Variants in MYOM2 observed in about 807,000 individuals in gnomAD.
The protein encoded by MYOM2 is myomesin 2.
MYOM2 carries 254 observed loss-of-function variants against 187.6 expected under a neutral mutation model. The observed-to-expected ratio is 1.35, with a 90% CI of 1.22 to 1.50. MYOM2 has a LOEUF of 1.50. Ranked by LOEUF, MYOM2 falls within the 40% of genes most tolerant of loss-of-function variation. The pLI is 0.00. For missense variants in MYOM2, 2,796 were observed against 1,924.0 expected (o/e 1.45, Z -8.48); for synonymous variants, 981 against 753.8 (o/e 1.30, Z -4.94).
At chr8:2,103,927 C>T (rs1051916735) in intron 21 of MYOM2, among the ~76,000 whole-genome samples, 2 of 151,960 alleles carry the variant, frequency 1.3e-5, no homozygotes, top group African/African-American at 4.8e-5. Context: ...GATGGGTGTA[C>T]GGATAAATGA....
chr8:2,123,389 G>GACC, intron 29 of MYOM2, 24 bp downstream of exon 29: 1 of 1,423,428 alleles, frequency 7.0e-7, no homozygotes, highest in Non-Finnish European at 9.3e-7. Context: ...AGTAACACAA[G>GACC]AAAGCAAAAC....
chr8:2,097,543 C>G (rs954796516), intron 18 of MYOM2, among the ~76,000 whole-genome samples: 68 of 152,206 alleles, frequency 4.5e-4, no homozygotes, highest in African/African-American at 1.6e-3. Flanking sequence ...GAGACAGAGT[C>G]TCACTCTGTG....
In MYOM2 at chr8:2,107,200, G is replaced by A. The variant is rs538548667; in HGVS notation, c.2998+603G>A. ...ATTTTTTTAAACTGCCTAGCATCAC[G>A]TGTATTTGTGTGGCCCGTCATCTAC... On this transcript the variant is annotated intron_variant, in intron 23 of 36. Transcript: ENST00000262113. Among the ~76,000 whole-genome samples the A allele has an allele frequency of 2.6e-5, 4 of 152,190 alleles. No homozygotes were observed. The East Asian group carries it at 7.7e-4, about 29-fold the overall frequency.
Position 2,141,353 on chromosome 8 carries a change from C to A in MYOM2, c.4001+176C>A, listed in dbSNP as rs112214152. ...ATGGAGGGGTGGGCATTCTCCTAAA[C>A]CAGAAATGCATTTATAAACGGACTG... On this transcript the variant is annotated intron_variant, in intron 34 of 36. Coordinates refer to ENST00000262113, the MANE Select transcript of MYOM2 (RefSeq NM_003970.4). Among the ~76,000 whole-genome samples, 744 of 152,268 alleles carry A rather than the reference C, an allele frequency of 4.9e-3. 7 individuals are homozygous for A. The highest frequency in any genetic ancestry group is 0.016 in the African/African-American group (684 of 41,538).
chr8:2,092,836 T>C (rs1436540496), intron 16 of MYOM2, among the ~76,000 whole-genome samples: 1 of 152,180 alleles, frequency 6.6e-6, no homozygotes, highest in Non-Finnish European at 1.5e-5. Flanking sequence ...GTGACTACGA[T>C]GTGAAAGTCG....
At chr8:2,108,975 G>T in intron 24 of MYOM2, 145 bp downstream of exon 24, 1 of 773,450 alleles carries the variant, frequency 1.3e-6, no homozygotes, top group South Asian at 1.8e-5. Context: ...GAAACCTATT[G>T]ATTTAAAACA....
intron 31 of MYOM2, among the ~76,000 whole-genome samples, chr8:2,126,012 T>C (rs1797622551): frequency 6.6e-6 from 1 of 152,164 alleles, no homozygotes; most frequent in South Asian, 2.1e-4. Context: ...AAATGTGGCT[T>C]TACTCTTATA....
rs560782012 is a variant in MYOM2, at chr8:2,091,201, C to T, written c.1828+1010C>T. ...TGTTGTTGTCTTTTTTTAATTAATG[C>T]TTTTTTAAAAAAATTTTTGTTTTGT... On this transcript the variant is annotated intron_variant, in intron 15 of 36. Transcript: ENST00000262113. 2.0e-5 allele frequency among the ~76,000 whole-genome samples: 3 copies of T among 152,080 alleles called. 1 individual carries two copies. The highest frequency in any genetic ancestry group is 4.1e-4 in the South Asian group (2 of 4,820).
At chr8:2,125,361 G>C (rs1797599575) in intron 31 of MYOM2, among the ~76,000 whole-genome samples, 1 of 152,074 alleles carries the variant, frequency 6.6e-6, no homozygotes, top group African/African-American at 2.4e-5. Context: ...TCCCTATTGT[G>C]TCTTCTTGGC....
chr8:2,117,961 C>T lies in MYOM2; in HGVS notation c.3453+9C>T, dbSNP rs564479227. ...TTCGACTTGTTTGCAAGGTGAGAAA[C>T]CCGGTTCTAACAGGAAAACAATAAA... On this transcript the variant is annotated intron_variant, in intron 28 of 36. Transcript: ENST00000262113. 8 of 1,610,856 alleles carry T rather than the reference C, an allele frequency of 5.0e-6. No homozygotes were observed. The African/African-American group carries it at 9.3e-5, about 19-fold the overall frequency.
chr8:2,111,621 C>T (rs1797070203), intron 25 of MYOM2, among the ~76,000 whole-genome samples: 1 of 152,208 alleles, frequency 6.6e-6, no homozygotes, highest in African/African-American at 2.4e-5. Context: ...GTAAAGAAAT[C>T]CAAGGTCCAC....
chr8:2,047,684 T>A (rs1298299395), intron 1 of MYOM2, among the ~76,000 whole-genome samples: 1 of 152,198 alleles, frequency 6.6e-6, no homozygotes, highest in Non-Finnish European at 1.5e-5. Context: ...AGGGAATACA[T>A]GTGGGGATAA....
chr8:2,124,256 G>C (rs767036135), intron 31 of MYOM2, 39 bp downstream of exon 31: 1 of 1,580,892 alleles, frequency 6.3e-7, no homozygotes, highest in Admixed American at 1.7e-5. Flanking sequence ...CATTTGGGGT[G>C]CTGAAATCAC....
intron 28 of MYOM2, among the ~76,000 whole-genome samples, chr8:2,122,489 G>C (rs987471585): frequency 1.3e-5 from 2 of 152,368 alleles, no homozygotes; most frequent in East Asian, 3.9e-4. Flanking sequence ...ATTCTAAGCT[G>C]TGTTGCACTG....
Position 2,069,505 on chromosome 8 carries a change from G to A in MYOM2, c.793+8G>A. ...TGGGACTCCCGATTGGATGTAAGTG[G>A]GTTTTTGTTTCTTTTCTGTGTGGTG... On this transcript the variant is annotated splice_region_variant and intron_variant, in intron 8 of 36. Coordinates refer to ENST00000262113, the MANE Select transcript of MYOM2 (RefSeq NM_003970.4). The A allele has an allele frequency of 6.2e-7, 1 of 1,614,146 alleles. No homozygotes were observed. The highest frequency in any genetic ancestry group is 8.5e-7 in the Non-Finnish European group (1 of 1,180,010).
At position 2,123,562 on chromosome 8, in the gene MYOM2, A is replaced by G; in HGVS notation, c.3575A>G (p.Lys1192Arg). The change falls in exon 30 of 37, where the codon AAG (lysine) becomes AGG (arginine). Residue 1192 changes from lysine (K) to arginine (R), a missense_variant. Lys to Arg is a conservative substitution (Grantham distance 26). Transcript: ENST00000262113. The stretch of plus-strand genomic sequence containing the variant: ...AATGTGTTTTCTTTGTAGTTGTCAA[A>G]GAAGGACCACGGTGAATACAAGGCA... ...ICELLIPKLSKKDHGEYKATL... is the reference protein window; with the variant it reads ...ICELLIPKLSRKDHGEYKATL... 6.2e-7 allele frequency: 1 copy of G among 1,614,004 alleles called. No individual in the cohort carries two copies. The highest frequency in any genetic ancestry group is 8.5e-7 in the Non-Finnish European group (1 of 1,179,872).
At position 2,145,057 on chromosome 8, in the gene MYOM2, C is replaced by T. The variant is rs1045748450; in HGVS notation, c.*76C>T. The T allele has an allele frequency of 2.3e-5, 35 of 1,510,170 alleles. No homozygotes were observed. The highest frequency in any genetic ancestry group is 3.2e-5 in the Non-Finnish European group (35 of 1,109,598). 93.5% of individuals were successfully genotyped at this position (1,510,170 alleles called of 1,614,324 possible). A position where few individuals can be genotyped will look rare whatever the true frequency, so the allele number is the denominator to read the frequency against. On this transcript the variant is annotated 3_prime_UTR_variant, in exon 37 of 37. Coordinates refer to ENST00000262113, the MANE Select transcript of MYOM2 (RefSeq NM_003970.4). ...ATGCTGTGTGCTTGTTCCAAATGAG[C>T]AGCTGGCATCCGAGTGGTGTCCTGT...
chr8:2,126,953 G>A (rs1797668930), intron 31 of MYOM2, among the ~76,000 whole-genome samples: 1 of 149,196 alleles, frequency 6.7e-6, no homozygotes, highest in Non-Finnish European at 1.5e-5. Context: ...CACTGGGGGA[G>A]GATGGGGAAG....
In MYOM2 at chr8:2,057,718, G is replaced by C; in HGVS notation, c.498G>C (p.Trp166Cys). ...ILVRLRSHTV[W>C]ERMSVKLCFT... ...TGCGGCTGCGATCCCACACCGTCTG[G>C]GAGAGGATGTCTGTGAAACTCTGCT... The change falls in exon 5 of 37, where the codon TGG becomes TGC. Residue 166 changes from tryptophan (W) to cysteine (C), a missense_variant. By Grantham distance (215) the Trp-to-Cys change is radical. Transcript: ENST00000262113. 6.2e-7 allele frequency: 1 copy of C among 1,614,126 alleles called. No homozygotes were observed. The highest frequency in any genetic ancestry group is 1.7e-5 in the Admixed American group (1 of 60,012).
Sources: allele counts gnomAD v4.1 joint callset (sites outside exome capture counted in the v4.1 genomes callset), GRCh38; gene constraint gnomAD v4.1.1; transcripts MANE v1.5; gene names NCBI Gene and HGNC (gene_info 2026-07-23, HGNC 2026-07-21).